FBXL13: variants seen among roughly 807,000 people sequenced by gnomAD.
The protein encoded by FBXL13 is F-box and leucine rich repeat protein 13.
In FBXL13, 67 loss-of-function variants were observed where a neutral mutation model predicts 83.6. The observed-to-expected ratio is 0.80, with a 90% CI of 0.66 to 0.98. The LOEUF (loss-of-function observed/expected upper bound fraction) is 0.98. Among genes scored for constraint, FBXL13 ranks in the 50% least tolerant of loss-of-function variants. The probability of loss-of-function intolerance (pLI) is 0.00; values close to 1 mark genes in which losing one functional copy is unlikely to be tolerated. For missense variants in FBXL13, 822 were observed against 866.5 expected (o/e 0.95, Z 0.64); for synonymous variants, 272 against 299.5 (o/e 0.91, Z 0.95).
chr7:103,048,302 A>T (rs920152683), intron 2 of FBXL13, among the ~76,000 whole-genome samples: 2 of 151,990 alleles, frequency 1.3e-5, no homozygotes, highest in African/African-American at 2.4e-5. Context: ...CTTAGCCAAA[A>T]TGATGACTCA....
chr7:103,021,319 T>C (rs556039253), intron 6 of FBXL13, among the ~76,000 whole-genome samples: 2 of 152,268 alleles, frequency 1.3e-5, no homozygotes, highest in African/African-American at 4.8e-5. Flanking sequence ...TTACACCTTA[T>C]ACAAAAATTA....
At chr7:102,831,428 CACA>C (rs761850996) in intron 18 of FBXL13, among the ~76,000 whole-genome samples, 21 of 151,718 alleles carry the variant, frequency 1.4e-4, no homozygotes, top group South Asian at 1.2e-3. Context: ...CACACACACA[CACA>C]CCCCACTACA....
intron 10 of FBXL13, among the ~76,000 whole-genome samples, chr7:102,917,279 T>C (rs1321692788): frequency 3.3e-5 from 5 of 152,140 alleles, no homozygotes; most frequent in Non-Finnish European, 7.3e-5. Flanking sequence ...TTCCTGATAA[T>C]AAGAAATTTC....
chr7:102,949,567 A>G (rs1823085252), intron 8 of FBXL13, among the ~76,000 whole-genome samples: 1 of 152,168 alleles, frequency 6.6e-6, no homozygotes, highest in Admixed American at 6.5e-5. Context: ...AATTAAAAAT[A>G]TTACCAAGAT....
intron 7 of FBXL13, among the ~76,000 whole-genome samples, chr7:102,967,270 CTTTTTTT>C (rs56060851): frequency 1.0e-4 from 15 of 148,856 alleles, no homozygotes; most frequent in Non-Finnish European, 1.9e-4. Flanking sequence ...TCCTCTCTTT[CTTTTTTT>C]TTTTTTTTTG....
chr7:102,882,762 AAAAAC>A (rs142466646), intron 14 of FBXL13, among the ~76,000 whole-genome samples: 38,099 of 150,528 alleles, frequency 0.25, 6,101 homozygotes, highest in African/African-American at 0.46. Flanking sequence ...ACTCTGTCTC[AAAAAC>A]AAAACAAAAC....
At position 102,913,051 on chromosome 7, in the gene FBXL13, A is replaced by G. The variant is rs766800955; in HGVS notation, c.1008+35T>C. The G allele has an allele frequency of 1.9e-6, 3 of 1,613,662 alleles. No individual in the cohort carries two copies. The African/African-American group carries it at 4.0e-5, about 22-fold the overall frequency. ...AGCCCATTCTCTGGAGAACTTCCTC[A>G]CACACCGCAGCAAAGAGAAGACTGA... On this transcript the variant is annotated intron_variant, in intron 11 of 19. Transcript: ENST00000313221.
intron 16 of FBXL13, 38 bp from the exon 18 acceptor site, chr7:102,854,898 C>T (rs1224135740): frequency 9.1e-6 from 11 of 1,208,790 alleles, no homozygotes; most frequent in Non-Finnish European, 1.3e-5. Flanking sequence ...TTGTGATTAT[C>T]ATTTAGTATG....
chr7:103,072,929 C>T (rs73192045), intron 1 of FBXL13, among the ~76,000 whole-genome samples: 4,105 of 152,300 alleles, frequency 0.027, 62 homozygotes, highest in East Asian at 0.04. Context: ...CTATCCCAGA[C>T]GAAGTCAACT....
At chr7:102,988,743 T>A (rs142180922) in intron 6 of FBXL13, 78 of 152,348 alleles carry the variant, frequency 5.1e-4, no homozygotes, top group African/African-American at 1.8e-3. Flanking sequence ...GCGCTTTCCA[T>A]GTAAAAGGAT....
intron 6 of FBXL13, among the ~76,000 whole-genome samples, chr7:102,977,967 C>A (rs7798582): frequency 1.3e-5 from 2 of 151,748 alleles, no homozygotes; most frequent in Non-Finnish European, 2.9e-5. Context: ...GGAGAGGGGA[C>A]GGATAGCATT....
chr7:102,905,373 G>A (rs532505416), intron 11 of FBXL13, among the ~76,000 whole-genome samples: 45 of 152,056 alleles, frequency 3.0e-4, no homozygotes, highest in Non-Finnish European at 6.0e-4. Context: ...GACCTTCTTT[G>A]TCTGTTCTTA....
intron 18 of FBXL13, among the ~76,000 whole-genome samples, chr7:102,831,028 A>T (rs1800575875): frequency 6.6e-6 from 1 of 152,154 alleles, no homozygotes; most frequent in Non-Finnish European, 1.5e-5. Flanking sequence ...ATGAAGGATG[A>T]TCTACGTGTG....
intron 8 of FBXL13, among the ~76,000 whole-genome samples, chr7:102,945,771 A>C (rs923404353): frequency 4.6e-5 from 7 of 152,200 alleles, no homozygotes; most frequent in Non-Finnish European, 1.0e-4. Context: ...AGTTGAATAC[A>C]TTTTCATTTC....
chr7:102,879,401 GA>G (rs1365912348), intron 14 of FBXL13, among the ~76,000 whole-genome samples: 1 of 151,984 alleles, frequency 6.6e-6, no homozygotes, highest in African/African-American at 2.4e-5. Context: ...CCACCTATAA[GA>G]GGGGGAGTGT....
At chr7:102,883,496 A>G (rs775484709) in intron 13 of FBXL13, 29 bp from the exon 15 acceptor site, 13 of 1,599,502 alleles carry the variant, frequency 8.1e-6, no homozygotes, top group African/African-American at 1.3e-5. Flanking sequence ...AGAAAAGACA[A>G]GTATTGTATT....
chr7:103,055,117 C>G, intron 2 of FBXL13: 1 of 1,288,244 alleles, frequency 7.8e-7, no homozygotes, highest in Non-Finnish European at 1.0e-6. Context: ...AAAAGTTGTT[C>G]CAGGTAAGTT....
intron 18 of FBXL13, among the ~76,000 whole-genome samples, chr7:102,826,730 T>TC (rs1284028104): frequency 2.7e-4 from 9 of 33,934 alleles, no homozygotes; most frequent in African/African-American, 1.8e-3. Context: ...GTCTCATATA[T>TC]ATATATATAT....
chr7:102,977,951 G>A (rs1827708973), intron 6 of FBXL13, among the ~76,000 whole-genome samples: 1 of 152,070 alleles, frequency 6.6e-6, no homozygotes, highest in Admixed American at 6.5e-5. Flanking sequence ...CTGTTGTGGG[G>A]TGGGGGGAGA....
Sources: allele counts gnomAD v4.1 joint callset (sites outside exome capture counted in the v4.1 genomes callset), GRCh38; gene constraint gnomAD v4.1.1; transcripts MANE v1.5; gene names NCBI Gene and HGNC (gene_info 2026-07-23, HGNC 2026-07-21).